Variants in PALM2AKAP2 observed in about 807,000 individuals in gnomAD.
PALM2AKAP2 encodes PALM2-AKAP2 fusion protein.
In PALM2AKAP2, 37 loss-of-function variants were observed where a neutral mutation model predicts 71.5. The ratio of observed to expected loss-of-function variants is 0.52; its 90% CI spans 0.40 to 0.68. The LOEUF is 0.68. Ranked by LOEUF, PALM2AKAP2 falls within the 30% of genes least tolerant of loss-of-function variation. The pLI, the probability that PALM2AKAP2 is intolerant of heterozygous loss-of-function variation, is 0.00. For missense variants in PALM2AKAP2, 1,224 were observed against 1,191.8 expected (o/e 1.03, Z -0.40); for synonymous variants, 468 against 478.8 (o/e 0.98, Z 0.29).
chr9:109,759,951 A>G (rs533872481), intron 1 of PALM2AKAP2, among the ~76,000 whole-genome samples: 43 of 152,274 alleles, frequency 2.8e-4, no homozygotes, highest in African/African-American at 9.9e-4. Flanking sequence ...TGTACAGTTC[A>G]ACGTGTTTTG....
intron 1 of PALM2AKAP2, among the ~76,000 whole-genome samples, chr9:109,809,557 G>A (rs1387014186): frequency 6.6e-6 from 1 of 152,186 alleles, no homozygotes; most frequent in East Asian, 1.9e-4. Context: ...TTCATAGGTG[G>A]AAGGGACTTG....
At chr9:110,117,752 C>T (rs144951304) in intron 1 of PALM2AKAP2, among the ~76,000 whole-genome samples, 15 of 152,164 alleles carry the variant, frequency 9.9e-5, no homozygotes, top group Non-Finnish European at 1.0e-4. Flanking sequence ...CCCTCATGAC[C>T]TTATCGCCTC....
chr9:109,923,584 G>A (rs531806951), intron 3 of PALM2AKAP2, 151 bp from the exon 4 acceptor site: 4 of 738,622 alleles, frequency 5.4e-6, no homozygotes, highest in Non-Finnish European at 8.5e-6. Context: ...ACAAGATGCT[G>A]TGTAATGTAA....
At chr9:109,932,968 A>G (rs900034435) in intron 6 of PALM2AKAP2, among the ~76,000 whole-genome samples, 1 of 152,274 alleles carries the variant, frequency 6.6e-6, no homozygotes, top group Non-Finnish European at 1.5e-5. Context: ...TTCATGAAGC[A>G]AAGAATCCCT....
intron 3 of PALM2AKAP2, among the ~76,000 whole-genome samples, 189 bp from the exon 4 acceptor site, chr9:109,923,546 A>G (rs576343011): frequency 6.6e-6 from 1 of 152,324 alleles, no homozygotes; most frequent in East Asian, 1.9e-4. Context: ...CCCTTGACCA[A>G]TGTCTGCCCA....
intron 6 of PALM2AKAP2, among the ~76,000 whole-genome samples, chr9:110,011,014 A>AATATATATATATATAT (rs1554737804): frequency 5.7e-5 from 4 of 69,586 alleles, no homozygotes; most frequent in African/African-American, 2.3e-4. Flanking sequence ...AAAAAAAAAA[A>AATATATATATATATAT]ATATATATAT....
At chr9:109,913,884 G>C (rs982747635) in intron 3 of PALM2AKAP2, among the ~76,000 whole-genome samples, 5 of 150,626 alleles carry the variant, frequency 3.3e-5, no homozygotes, top group Non-Finnish European at 7.4e-5. Context: ...AGCCTCCCGA[G>C]TTGCTGGGAC....
At chr9:109,798,732 G>T (rs2209815) in intron 1 of PALM2AKAP2, among the ~76,000 whole-genome samples, 74,976 of 152,082 alleles carry the variant, frequency 0.49, 20,771 homozygotes, top group African/African-American at 0.76. Context: ...AACAAAACAT[G>T]CCTCATATGT....
intron 1 of PALM2AKAP2, among the ~76,000 whole-genome samples, chr9:110,092,284 A>G (rs1179236099): frequency 6.6e-6 from 1 of 151,948 alleles, no homozygotes; most frequent in Admixed American, 6.5e-5. Context: ...GTGAGCTGAG[A>G]TTGTGCCACC....
At chr9:109,943,669 G>A in intron 6 of PALM2AKAP2, 1 of 493,640 alleles carries the variant, frequency 2.0e-6, no homozygotes, top group Non-Finnish European at 3.6e-6. Context: ...GTCTTCAAGA[G>A]TGAATCACTT....
At chr9:109,811,853 A>T (rs1277081211) in intron 1 of PALM2AKAP2, among the ~76,000 whole-genome samples, 1 of 152,262 alleles carries the variant, frequency 6.6e-6, no homozygotes, top group South Asian at 2.1e-4. Flanking sequence ...GATTATAGGC[A>T]TGAGCCACTG....
chr9:109,857,386 A>C (rs1034314587), intron 1 of PALM2AKAP2, among the ~76,000 whole-genome samples: 1 of 152,256 alleles, frequency 6.6e-6, no homozygotes, highest in Non-Finnish European at 1.5e-5. Context: ...AAATGAATAT[A>C]TTGGTTCACC....
chr9:109,678,222 C>T (rs567413441), intron 1 of PALM2AKAP2, among the ~76,000 whole-genome samples: 1 of 152,330 alleles, frequency 6.6e-6, no homozygotes, highest in African/African-American at 2.4e-5. Flanking sequence ...CAATACCCCT[C>T]ACTGAAAGTG....
At chr9:110,006,372 T>TTCTTTCTA (rs200227926) in intron 6 of PALM2AKAP2, among the ~76,000 whole-genome samples, 2 of 139,320 alleles carry the variant, frequency 1.4e-5, no homozygotes, top group Non-Finnish European at 3.1e-5. Context: ...CTTTCTTTCT[T>TTCTTTCTA]CTCTCTTTCT....
intron 1 of PALM2AKAP2, among the ~76,000 whole-genome samples, chr9:109,645,675 C>G (rs1207724600): frequency 2.6e-5 from 4 of 152,012 alleles, no homozygotes; most frequent in Non-Finnish European, 5.9e-5. Flanking sequence ...ATTGCATGTT[C>G]TCATTTATAA....
At chr9:110,089,496 C>T (rs1193509964) in intron 1 of PALM2AKAP2, among the ~76,000 whole-genome samples, 2 of 152,184 alleles carry the variant, frequency 1.3e-5, no homozygotes, top group East Asian at 1.9e-4. Flanking sequence ...GGAAGCCAGA[C>T]ATCCTAACTC....
intron 7 of PALM2AKAP2, among the ~76,000 whole-genome samples, chr9:110,030,753 T>TA (rs1457015928): frequency 3.3e-5 from 5 of 152,150 alleles, no homozygotes; most frequent in Admixed American, 6.5e-5. Flanking sequence ...AACTTAGTAG[T>TA]AAAAAATACA....
chr9:109,829,283 CCAA>C (rs1378420865), intron 1 of PALM2AKAP2, among the ~76,000 whole-genome samples: 1 of 152,192 alleles, frequency 6.6e-6, no homozygotes, highest in Non-Finnish European at 1.5e-5. Flanking sequence ...GCAACCTCTT[CCAA>C]CAATTCATCC....
intron 3 of PALM2AKAP2, among the ~76,000 whole-genome samples, chr9:109,899,144 T>C (rs1043954806): frequency 1.3e-5 from 2 of 152,052 alleles, no homozygotes; most frequent in African/African-American, 4.8e-5. Flanking sequence ...CCATATCCAT[T>C]TGGATCCCCC....
Sources: allele counts gnomAD v4.1 joint callset (sites outside exome capture counted in the v4.1 genomes callset), GRCh38; gene constraint gnomAD v4.1.1; transcripts MANE v1.5; gene names NCBI Gene and HGNC (gene_info 2026-07-23, HGNC 2026-07-21).